TFB1M: variants seen among roughly 807,000 people sequenced by gnomAD.
TFB1M encodes dimethyladenosine transferase 1, mitochondrial.
Under a neutral mutation model 31.1 loss-of-function variants are expected in TFB1M, and 27 were observed. The ratio of observed to expected loss-of-function variants is 0.87; its 90% CI spans 0.64 to 1.20. TFB1M has a LOEUF of 1.20. Among genes scored for constraint, TFB1M ranks in the 50% most tolerant of loss-of-function variants. The pLI, the probability that TFB1M is intolerant of heterozygous loss-of-function variation, is 0.00. For missense variants in TFB1M, 394 were observed against 418.7 expected (o/e 0.94, Z 0.51); for synonymous variants, 166 against 151.8 (o/e 1.09, Z -0.69).
At chr6:155,236,981 G>A in the TFB1M span, among the ~76,000 whole-genome samples, 1 of 152,102 alleles carries the variant, frequency 6.6e-6, no homozygotes, top group Admixed American at 6.5e-5. Flanking sequence ...CTTCCCAACA[G>A]TCCCCCAAAG....
At chr6:155,259,890 G>T (rs1408756) in intron 6 of TFB1M, among the ~76,000 whole-genome samples, 68,206 of 152,082 alleles carry the variant, frequency 0.45, 15,987 homozygotes, top group East Asian at 0.79. Flanking sequence ...CTGCTCAGAA[G>T]TCATATTTGC....
At chr6:155,254,983 T>G (rs1031858003), downstream of TFB1M, 13 of 159,492 alleles carry the variant, frequency 8.2e-5, no homozygotes, top group Non-Finnish European at 1.8e-4. Flanking sequence ...ATTTTTCGAC[T>G]TTACCGTGGT....
the TFB1M span, among the ~76,000 whole-genome samples, chr6:155,235,267 C>T: frequency 6.6e-6 from 1 of 152,188 alleles, no homozygotes; most frequent in Non-Finnish European, 1.5e-5. Flanking sequence ...GCAATTTTAG[C>T]AGTTACTTGA....
chr6:155,309,141 TAC>T (rs796834086), intron 2 of TFB1M, among the ~76,000 whole-genome samples: 7 of 152,380 alleles, frequency 4.6e-5, no homozygotes, highest in African/African-American at 1.7e-4. Context: ...TTATCAATGC[TAC>T]ACAAATATTT....
the TFB1M span, chr6:155,248,075 C>A: frequency 6.2e-7 from 1 of 1,614,226 alleles, no homozygotes; most frequent in African/African-American, 1.3e-5. Flanking sequence ...ACGCTGGAGT[C>A]CTACCTCATC....
At chr6:155,254,102 T>C (rs368384850), downstream of TFB1M, 76 of 1,575,110 alleles carry the variant, frequency 4.8e-5, 1 homozygote, top group South Asian at 5.6e-4. Flanking sequence ...AGAAATAACA[T>C]AGAATTATGT....
In TFB1M at chr6:155,257,305, G is replaced by C; in HGVS notation, c.*531C>G. 1.5e-6 allele frequency: 1 copy of C among 669,594 alleles called. No homozygotes were observed. Among genetic ancestry groups the C allele is most frequent in the East Asian group, 2.9e-5 (1 of 35,002 alleles). The allele number at this position is 669,594 out of a possible 1,614,324, so 41.5% of individuals were successfully genotyped here. A position where few individuals can be genotyped will look rare whatever the true frequency, so the allele number is the denominator to read the frequency against. ...TAATTTATTGTGGATCAGAAACCTA[G>C]ATGAAACTGGTCAGAATCTGTAAAT... On this transcript the variant is annotated 3_prime_UTR_variant, in exon 7 of 7. Coordinates refer to ENST00000367166, the MANE Select transcript of TFB1M (RefSeq NM_016020.4).
chr6:155,266,643 G>C (rs1784646017), intron 5 of TFB1M, among the ~76,000 whole-genome samples: 1 of 151,872 alleles, frequency 6.6e-6, no homozygotes, highest in Non-Finnish European at 1.5e-5. Flanking sequence ...TCAGGAGATC[G>C]AGACCATCCT....
the TFB1M span, chr6:155,244,119 G>A: frequency 6.4e-7 from 1 of 1,572,810 alleles, no homozygotes; most frequent in Non-Finnish European, 8.7e-7. Context: ...TGATCCACAG[G>A]TTAGTCTCTG....
intron 2 of TFB1M, chr6:155,299,599 G>C (rs1459310248): frequency 6.6e-6 from 1 of 152,190 alleles, no homozygotes; most frequent in African/African-American, 2.4e-5. Flanking sequence ...CATTAAGTCA[G>C]AGCTCGGAGA....
At chr6:155,276,318 AG>A (rs1313034646) in intron 5 of TFB1M, 1 of 1,613,774 alleles carries the variant, frequency 6.2e-7, no homozygotes, top group Non-Finnish European at 8.5e-7. Context: ...CCCACACAGC[AG>A]CCTATCTCTA....
At position 155,285,213 on chromosome 6, in the gene TFB1M, C is replaced by T. The variant is rs1236784891; in HGVS notation, c.611G>A (p.Cys204Tyr). 6.2e-7 allele frequency: 1 copy of T among 1,614,018 alleles called. No individual in the cohort carries two copies. Among genetic ancestry groups the T allele is most frequent in the African/African-American group, 1.3e-5 (1 of 75,026 alleles). ...SRLSVMAQYL[C>Y]NVRHIFTIPG... ...AATCGTAAAGATGTGTCGAACATTG[C>T]AGAGGTACTGAGCCATAACAGAGAG... The change falls in exon 5 of 7, where the codon TGC (cysteine) becomes TAC (tyrosine). Residue 204 changes from cysteine (C) to tyrosine (Y), a missense_variant. Physicochemically the swap from Cys to Tyr is radical, Grantham distance 194. This residue lies in a region of TFB1M where 273 missense variants were observed against 256.4 expected (regional missense o/e 1.06). Transcript: ENST00000367166.
the TFB1M span, among the ~76,000 whole-genome samples, chr6:155,236,362 T>C: frequency 1.3e-5 from 2 of 151,876 alleles, no homozygotes; most frequent in African/African-American, 4.8e-5. Context: ...GGGGAGTTTT[T>C]TTAAGAAACA....
intron 5 of TFB1M, among the ~76,000 whole-genome samples, chr6:155,283,618 A>C (rs987136601): frequency 2.0e-5 from 3 of 152,244 alleles, no homozygotes; most frequent in Admixed American, 6.5e-5. Flanking sequence ...TAGGTAACTA[A>C]AACAGAGTTA....
At chr6:155,260,462 C>T in intron 5 of TFB1M, 62 bp from the exon 6 acceptor site, 1 of 1,608,408 alleles carries the variant, frequency 6.2e-7, no homozygotes, top group Non-Finnish European at 8.5e-7. Context: ...TGTGATCAAT[C>T]AACTCATCCT....
At chr6:155,301,422 G>A (rs1035586800) in intron 2 of TFB1M, among the ~76,000 whole-genome samples, 5 of 152,136 alleles carry the variant, frequency 3.3e-5, no homozygotes, top group Admixed American at 3.3e-4. Context: ...CCAACCAGTA[G>A]CAGAAATGTT....
chr6:155,296,885 T>C (rs1777200764), intron 4 of TFB1M, 68 bp downstream of exon 4: 1 of 1,383,476 alleles, frequency 7.2e-7, no homozygotes, highest in Non-Finnish European at 1.0e-6. Flanking sequence ...GTGGTAAAAA[T>C]GCAGTATTAT....
chr6:155,281,820 A>AT (rs138743519), intron 5 of TFB1M, among the ~76,000 whole-genome samples: 13 of 69,628 alleles, frequency 1.9e-4, no homozygotes, highest in Admixed American at 7.6e-4. Context: ...ACCATAATTC[A>AT]TAAAAAAAAA....
the TFB1M span, chr6:155,247,922 A>G: frequency 2.7e-6 from 4 of 1,498,252 alleles, no homozygotes; most frequent in Non-Finnish European, 2.7e-6. Flanking sequence ...TAGATGATCT[A>G]TAAATGTTAA....
Sources: gnomAD v4.1 joint callset for allele counts (sites outside exome capture counted in the v4.1 genomes callset) on GRCh38, gnomAD v4.1.1 for gene constraint, gnomAD v4.1.1 regional missense constraint, MANE v1.5 for transcripts, NCBI Gene and HGNC (gene_info 2026-07-23, HGNC 2026-07-21) for gene names.